CACNA2D3: variants seen among roughly 807,000 people sequenced by gnomAD.
The protein encoded by CACNA2D3 is calcium voltage-gated channel auxiliary subunit alpha2delta 3.
Under a neutral mutation model 160.6 loss-of-function variants are expected in CACNA2D3, and 60 were observed. The ratio of observed to expected loss-of-function variants is 0.37; its 90% CI spans 0.30 to 0.46. CACNA2D3 has a LOEUF of 0.46. CACNA2D3 is among the 20% of genes least tolerant of loss of function. CACNA2D3 has a pLI of 1.00. For synonymous variants in CACNA2D3, 558 were observed against 492.9 expected (o/e 1.13, Z -1.75); for missense variants, 1,205 against 1,365.0 (o/e 0.88, Z 1.85).
intron 34 of CACNA2D3, among the ~76,000 whole-genome samples, chr3:55,012,973 C>T (rs1703243298): frequency 6.6e-6 from 1 of 152,124 alleles, no homozygotes; most frequent in Non-Finnish European, 1.5e-5. Context: ...TAATATGGTG[C>T]TTCAGTTCTC....
chr3:54,259,304 A>G (rs1702361145), intron 2 of CACNA2D3, among the ~76,000 whole-genome samples: 1 of 152,264 alleles, frequency 6.6e-6, no homozygotes, highest in Non-Finnish European at 1.5e-5. Context: ...ATGGCTGCTG[A>G]TGAAAGGAAG....
intron 11 of CACNA2D3, among the ~76,000 whole-genome samples, chr3:54,728,978 A>T (rs2107008314): frequency 6.6e-6 from 1 of 152,286 alleles, no homozygotes; most frequent in African/African-American, 2.4e-5. Context: ...ATTAGGGAGA[A>T]ATTGTCTGCA....
chr3:54,581,904 A>G (rs781769199), intron 9 of CACNA2D3, 27 bp downstream of exon 9: 8 of 1,589,274 alleles, frequency 5.0e-6, no homozygotes, highest in Non-Finnish European at 6.0e-6. Flanking sequence ...GGAGCATTCC[A>G]GTCATGGTAC....
At chr3:54,710,681 A>G (rs1034889585) in intron 11 of CACNA2D3, among the ~76,000 whole-genome samples, 2 of 152,220 alleles carry the variant, frequency 1.3e-5, no homozygotes, top group Non-Finnish European at 2.9e-5. Flanking sequence ...ATTTTAATGG[A>G]AGATTTCATT....
chr3:54,294,708 G>A (rs1703300074), intron 2 of CACNA2D3, among the ~76,000 whole-genome samples: 1 of 152,052 alleles, frequency 6.6e-6, no homozygotes, highest in African/African-American at 2.4e-5. Flanking sequence ...TCACCTTGAC[G>A]GGCATTTCCA....
At chr3:54,149,932 C>CCCCTCCCTCT (rs1553735629) in intron 2 of CACNA2D3, among the ~76,000 whole-genome samples, 5 of 23,838 alleles carry the variant, frequency 2.1e-4, no homozygotes, top group East Asian at 1.8e-3. Flanking sequence ...TCTCTCTCTC[C>CCCCTCCCTCT]CTCCCTCCCT....
intron 13 of CACNA2D3, among the ~76,000 whole-genome samples, chr3:54,794,218 T>G (rs567608633): frequency 1.8e-4 from 27 of 152,282 alleles, no homozygotes; most frequent in Non-Finnish European, 3.8e-4. Context: ...TCTGACCCAA[T>G]AATAGCTACA....
chr3:54,556,129 A>G (rs911756862), intron 5 of CACNA2D3, among the ~76,000 whole-genome samples: 9 of 152,312 alleles, frequency 5.9e-5, no homozygotes, highest in African/African-American at 2.2e-4. Context: ...AACATTGAAC[A>G]TTGGTCCCAA....
At chr3:54,651,960 A>G (rs1699773456) in intron 11 of CACNA2D3, among the ~76,000 whole-genome samples, 1 of 152,142 alleles carries the variant, frequency 6.6e-6, no homozygotes. Flanking sequence ...TTTCTTCCCC[A>G]CTAAACTGCA....
At chr3:54,597,679 T>C (rs1702981022) in intron 9 of CACNA2D3, among the ~76,000 whole-genome samples, 1 of 152,008 alleles carries the variant, frequency 6.6e-6, no homozygotes. Flanking sequence ...GGGGAGAAGG[T>C]GAAAAATAAA....
chr3:54,458,651 AC>A (rs1386844892), intron 4 of CACNA2D3, among the ~76,000 whole-genome samples: 5 of 151,816 alleles, frequency 3.3e-5, no homozygotes, highest in Admixed American at 6.6e-5. Flanking sequence ...CTCAGAGAGG[AC>A]CTTTTTGGTT....
intron 2 of CACNA2D3, among the ~76,000 whole-genome samples, chr3:54,190,874 A>G (rs1230129541): frequency 6.6e-6 from 1 of 152,144 alleles, no homozygotes; most frequent in East Asian, 1.9e-4. Context: ...GATCTTGGAT[A>G]AAAGACTTAA....
At chr3:54,462,393 C>T (rs1195125230) in intron 4 of CACNA2D3, among the ~76,000 whole-genome samples, 1 of 152,102 alleles carries the variant, frequency 6.6e-6, no homozygotes, top group South Asian at 2.1e-4. Context: ...TCTCCCATTA[C>T]TATTGTGTGG....
chr3:54,481,513 T>C (rs999891176), intron 4 of CACNA2D3, among the ~76,000 whole-genome samples: 8 of 152,194 alleles, frequency 5.3e-5, no homozygotes, highest in African/African-American at 1.2e-4. Context: ...TTCAAAACAG[T>C]TGGAGCGTGT....
At chr3:55,053,306 AT>A (rs1002241284) in intron 35 of CACNA2D3, among the ~76,000 whole-genome samples, 1 of 151,954 alleles carries the variant, frequency 6.6e-6, no homozygotes, top group Non-Finnish European at 1.5e-5. Context: ...TTATTTTGAG[AT>A]TCACCATGTT....
chr3:54,742,467 G>A (rs970811770), intron 11 of CACNA2D3, among the ~76,000 whole-genome samples: 1 of 152,002 alleles, frequency 6.6e-6, no homozygotes, highest in Non-Finnish European at 1.5e-5. Context: ...TTACCCCAAG[G>A]CCTCACAGCT....
chr3:54,232,972 C>T (rs761478471), intron 2 of CACNA2D3, among the ~76,000 whole-genome samples: 121 of 152,140 alleles, frequency 8.0e-4, no homozygotes, highest in Non-Finnish European at 1.5e-3. Context: ...CAGTCTACTG[C>T]GGAGACACCA....
At chr3:54,869,687 C>CT (rs1276278081) in intron 17 of CACNA2D3, among the ~76,000 whole-genome samples, 4 of 152,252 alleles carry the variant, frequency 2.6e-5, no homozygotes, top group Admixed American at 6.5e-5. Flanking sequence ...CTGTCTGACT[C>CT]TAAGTCCTCA....
intron 4 of CACNA2D3, among the ~76,000 whole-genome samples, chr3:54,451,749 A>G (rs1700312334): frequency 6.6e-6 from 1 of 152,218 alleles, no homozygotes; most frequent in African/African-American, 2.4e-5. Context: ...CACTATAAGC[A>G]GCAAGGAAAA....
Sources: allele counts gnomAD v4.1 joint callset (sites outside exome capture counted in the v4.1 genomes callset), GRCh38; gene constraint gnomAD v4.1.1; transcripts MANE v1.5; gene names NCBI Gene and HGNC (gene_info 2026-07-23, HGNC 2026-07-21).